GAS2: variants seen among roughly 807,000 people sequenced by gnomAD.
GAS2 encodes the protein growth arrest specific 2, also known as growth arrest-specific protein 2.
Under a neutral mutation model 37.5 loss-of-function variants are expected in GAS2, and 20 were observed. That is an observed-to-expected ratio of 0.53 (90% CI 0.37 to 0.77). The LOEUF (loss-of-function observed/expected upper bound fraction) is 0.77. Ranked by LOEUF, GAS2 falls within the 30% of genes least tolerant of loss-of-function variation. The pLI is 0.00. For synonymous variants in GAS2, 144 were observed against 132.2 expected (o/e 1.09, Z -0.61); for missense variants, 336 against 373.4 (o/e 0.90, Z 0.82).
chr11:22,656,947 A>C (rs2133840725), intron 1 of GAS2, among the ~76,000 whole-genome samples: 1 of 152,312 alleles, frequency 6.6e-6, no homozygotes, highest in South Asian at 2.1e-4. Flanking sequence ...AACATACAGA[A>C]ATTTCTGATC....
At chr11:22,781,895 T>A (rs1421890447) in intron 7 of GAS2, among the ~76,000 whole-genome samples, 1 of 152,172 alleles carries the variant, frequency 6.6e-6, no homozygotes, top group African/African-American at 2.4e-5. Flanking sequence ...AACTTGAACC[T>A]TTACCAATGG....
chr11:22,731,694 GC>G (rs1351099412), intron 4 of GAS2, among the ~76,000 whole-genome samples: 1 of 151,678 alleles, frequency 6.6e-6, no homozygotes, highest in Admixed American at 6.6e-5. Flanking sequence ...ATCTATGCCT[GC>G]CTTTAAGTGT....
intron 2 of GAS2, among the ~76,000 whole-genome samples, chr11:22,683,666 T>A (rs377570002): frequency 2.7e-5 from 1 of 37,120 alleles, no homozygotes; most frequent in Non-Finnish European, 1.3e-4. Flanking sequence ...AAATAATTTC[T>A]TTTTTTTTTT....
chr11:22,713,695 G>T lies in GAS2; in HGVS notation c.268-12597G>T, dbSNP rs544399371. Among the ~76,000 whole-genome samples the T allele has an allele frequency of 2.8e-4, 43 of 152,158 alleles. 1 individual carries two copies. The highest frequency in any genetic ancestry group is 9.9e-4 in the African/African-American group (41 of 41,510). ...AACCCTGTAAACCAGAAGGGATTGGGGTCCTATCTATAGCCTCCTTAAAAT... is the reference window on the plus strand; with the variant it reads ...AACCCTGTAAACCAGAAGGGATTGGTGTCCTATCTATAGCCTCCTTAAAAT... On this transcript the variant is annotated intron_variant, in intron 3 of 7. Transcript: ENST00000454584.
At chr11:22,710,094 A>T (rs1208909350) in intron 3 of GAS2, among the ~76,000 whole-genome samples, 1 of 152,040 alleles carries the variant, frequency 6.6e-6, no homozygotes, top group Admixed American at 6.6e-5. Context: ...GCACACCAGC[A>T]TGGCACATGT....
At chr11:22,653,021 T>TTCTTTCTTTCTTTC (rs1848810276) in intron 1 of GAS2, among the ~76,000 whole-genome samples, 2 of 147,804 alleles carry the variant, frequency 1.4e-5, no homozygotes, top group Non-Finnish European at 3.0e-5. Context: ...CTTTCTTTCT[T>TTCTTTCTTTCTTTC]TCTTTCTTTC....
At chr11:22,807,500 A>T (rs1412071003) in intron 7 of GAS2, among the ~76,000 whole-genome samples, 9 of 152,222 alleles carry the variant, frequency 5.9e-5, no homozygotes, top group Non-Finnish European at 7.3e-5. Context: ...TTCCTTTAAA[A>T]GCCTGGGAGT....
intron 2 of GAS2, among the ~76,000 whole-genome samples, chr11:22,676,829 CTTA>C (rs1422112039): frequency 6.6e-6 from 1 of 152,040 alleles, no homozygotes; most frequent in Non-Finnish European, 1.5e-5. Flanking sequence ...GGTTTTACCA[CTTA>C]TTATGTGATA....
chr11:22,718,206 A>G (rs1199600933), intron 3 of GAS2, among the ~76,000 whole-genome samples: 2 of 152,106 alleles, frequency 1.3e-5, no homozygotes, highest in East Asian at 3.8e-4. Context: ...TTGCGAAAAT[A>G]TGGAACCAGC....
At chr11:22,806,972 T>G (rs912940670) in intron 7 of GAS2, among the ~76,000 whole-genome samples, 1 of 152,216 alleles carries the variant, frequency 6.6e-6, no homozygotes, top group Admixed American at 6.5e-5. Flanking sequence ...CCTTTCTGTT[T>G]TAAGTATTAT....
Position 22,756,479 on chromosome 11 carries a change from T to C in GAS2, c.723+526T>C, listed in dbSNP as rs56726470. The stretch of plus-strand genomic sequence containing the variant: ...AAAGTTAAAAAATATCCTGCTGTTT[T>C]GTAGAATAGAATGATTTGAATACGT... On this transcript the variant is annotated intron_variant, in intron 7 of 7. Transcript: ENST00000454584. Among the ~76,000 whole-genome samples, 504 of 152,224 alleles carry C rather than the reference T, an allele frequency of 3.3e-3. 2 individuals carry two copies. The highest frequency in any genetic ancestry group is 0.011 in the African/African-American group (468 of 41,548).
chr11:22,810,679 C>T (rs1403660979), intron 7 of GAS2, among the ~76,000 whole-genome samples: 3 of 151,900 alleles, frequency 2.0e-5, no homozygotes, highest in Admixed American at 6.6e-5. Flanking sequence ...TCTGTGAAAC[C>T]CCCAAATACA....
At chr11:22,684,234 G>C (rs1849831317) in intron 2 of GAS2, among the ~76,000 whole-genome samples, 1 of 152,196 alleles carries the variant, frequency 6.6e-6, no homozygotes, top group South Asian at 2.1e-4. Context: ...TTGGGTTAAA[G>C]TGCTTAGTTT....
At chr11:22,641,393 AATGTGCAGGTTTGTTACATACATATAC>A (rs978774453) in intron 1 of GAS2, among the ~76,000 whole-genome samples, 1 of 149,626 alleles carries the variant, frequency 6.7e-6, no homozygotes, top group African/African-American at 2.5e-5. Context: ...ACATGTGCAC[AATGTGCAGGTTTGTTACATACATATAC>A]ATGTGCCATG....
chr11:22,798,011 G>A (rs544391652), intron 7 of GAS2, among the ~76,000 whole-genome samples: 26 of 152,196 alleles, frequency 1.7e-4, no homozygotes, highest in Admixed American at 1.4e-3. Context: ...ACTTTAGGAT[G>A]TATAGTTGAG....
chr11:22,701,474 T>C (rs56239508), intron 3 of GAS2, among the ~76,000 whole-genome samples: 2 of 151,946 alleles, frequency 1.3e-5, no homozygotes, highest in African/African-American at 4.8e-5. Context: ...TACTCTCTAT[T>C]AGGAAGAAAT....
intron 1 of GAS2, among the ~76,000 whole-genome samples, chr11:22,655,562 TG>T (rs1251636966): frequency 6.6e-6 from 1 of 152,258 alleles, no homozygotes; most frequent in Non-Finnish European, 1.5e-5. Flanking sequence ...CACTGCACTT[TG>T]TTGAAGTCAT....
chr11:22,641,114 C>G (rs1056328790), intron 1 of GAS2, among the ~76,000 whole-genome samples: 1 of 150,388 alleles, frequency 6.6e-6, no homozygotes, highest in African/African-American at 2.4e-5. Flanking sequence ...GAGGCATTAG[C>G]AAGCAGTCGG....
At chr11:22,777,041 T>A (rs1855295005) in intron 7 of GAS2, among the ~76,000 whole-genome samples, 1 of 152,104 alleles carries the variant, frequency 6.6e-6, no homozygotes, top group Non-Finnish European at 1.5e-5. Context: ...AGATTGATAA[T>A]TTGCTTTCAC....
Sources: gnomAD v4.1 joint callset for allele counts (sites outside exome capture counted in the v4.1 genomes callset) on GRCh38, gnomAD v4.1.1 for gene constraint, MANE v1.5 for transcripts, NCBI Gene and HGNC (gene_info 2026-07-23, HGNC 2026-07-21) for gene names.